The following FRAS1 variants were observed in gnomAD, a reference collection of about 807,000 sequenced individuals.
FRAS1 encodes the protein Fraser extracellular matrix complex subunit 1.
In FRAS1, 290 loss-of-function variants were observed where a neutral mutation model predicts 435.2. That is an observed-to-expected ratio of 0.67 (90% CI 0.61 to 0.73). FRAS1 has a LOEUF of 0.73. FRAS1 is among the 30% of genes least tolerant of loss of function. FRAS1 has a pLI of 0.00. For missense variants in FRAS1, 4,860 were observed against 5,001.5 expected (o/e 0.97, Z 0.85); for synonymous variants, 1,800 against 1,851.0 (o/e 0.97, Z 0.71).
At chr4:78,262,066 C>A (rs561836204) in intron 6 of FRAS1, among the ~76,000 whole-genome samples, 1 of 152,278 alleles carries the variant, frequency 6.6e-6, no homozygotes, top group East Asian at 1.9e-4. Context: ...AAGCATGCCA[C>A]CTAATCCAAG....
intron 32 of FRAS1, 103 bp downstream of exon 32, chr4:78,413,188 C>A: frequency 1.7e-6 from 1 of 602,630 alleles, no homozygotes; most frequent in South Asian, 2.8e-5. Flanking sequence ...AAGTGCCTGG[C>A]CCAGATCACA....
chr4:78,370,012 A>T, intron 23 of FRAS1, 28 bp downstream of exon 23: 1 of 1,603,284 alleles, frequency 6.2e-7, no homozygotes, highest in Non-Finnish European at 8.5e-7. Context: ...TTGTGTAAAG[A>T]TTCTTTTACA....
At chr4:78,184,178 C>T (rs934626142) in intron 2 of FRAS1, among the ~76,000 whole-genome samples, 3 of 152,128 alleles carry the variant, frequency 2.0e-5, no homozygotes, top group African/African-American at 7.2e-5. Flanking sequence ...AATTATACCC[C>T]AGATCAGTCA....
chr4:78,128,166 G>T (rs928566754), intron 2 of FRAS1, among the ~76,000 whole-genome samples: 1 of 151,934 alleles, frequency 6.6e-6, no homozygotes, highest in African/African-American at 2.4e-5. Context: ...TGGACATTTG[G>T]GTTGGTTCCA....
intron 23 of FRAS1, among the ~76,000 whole-genome samples, chr4:78,372,263 T>C (rs905924978): frequency 6.6e-6 from 1 of 152,176 alleles, no homozygotes; most frequent in African/African-American, 2.4e-5. Flanking sequence ...ATGCAGCTGG[T>C]GTTATTGGTG....
At chr4:78,522,843 C>G (rs746573159) in intron 69 of FRAS1, 35 bp downstream of exon 69, 3 of 1,526,372 alleles carry the variant, frequency 2.0e-6, no homozygotes, top group Non-Finnish European at 2.6e-6. Flanking sequence ...ATGGGTAGAG[C>G]TGAATGGTTT....
chr4:78,266,022 A>G (rs535244039), intron 7 of FRAS1, among the ~76,000 whole-genome samples: 1 of 152,204 alleles, frequency 6.6e-6, no homozygotes, highest in Non-Finnish European at 1.5e-5. Flanking sequence ...TGTTAGACTG[A>G]GTTTTTCTTT....
At chr4:78,177,497 CTTG>C (rs1210688449) in intron 2 of FRAS1, among the ~76,000 whole-genome samples, 5 of 152,156 alleles carry the variant, frequency 3.3e-5, no homozygotes, top group African/African-American at 7.2e-5. Flanking sequence ...TTAGCATTCT[CTTG>C]TTGTACCTGT....
At chr4:78,137,658 G>T (rs1055122694) in intron 2 of FRAS1, among the ~76,000 whole-genome samples, 2 of 152,216 alleles carry the variant, frequency 1.3e-5, no homozygotes, top group African/African-American at 4.8e-5. Context: ...GCATTGTTGG[G>T]TGTCTCTTCA....
At position 78,346,023 on chromosome 4, in the gene FRAS1, A is replaced by C. The variant is rs531092557; in HGVS notation, c.2422+8206A>C. On this transcript the variant is annotated intron_variant, in intron 20 of 73. Transcript: ENST00000512123. Reference sequence around the variant, plus strand: ...ATTGCTGTTTCTTCCTAACAACTATAGGTCAGGGCTTGAATTGCAGAGAAA... The same window carrying C: ...ATTGCTGTTTCTTCCTAACAACTATCGGTCAGGGCTTGAATTGCAGAGAAA... 4.6e-5 allele frequency among the ~76,000 whole-genome samples: 7 copies of C among 152,328 alleles called. 1 individual carries two copies. In the East Asian group the frequency reaches 1.4e-3, roughly 29 times the overall value.
chr4:78,470,159 C>A, intron 51 of FRAS1, 68 bp downstream of exon 51: 3 of 1,005,084 alleles, frequency 3.0e-6, no homozygotes, highest in South Asian at 1.5e-5. Flanking sequence ...ACGACAATGA[C>A]TTATGAATAG....
intron 2 of FRAS1, among the ~76,000 whole-genome samples, chr4:78,157,884 G>T (rs1159713148): frequency 1.3e-5 from 2 of 151,988 alleles, no homozygotes; most frequent in African/African-American, 4.8e-5. Flanking sequence ...TTATTATTCT[G>T]TATATGGATG....
At chr4:78,316,698 G>A (rs994243880) in intron 16 of FRAS1, among the ~76,000 whole-genome samples, 1 of 152,172 alleles carries the variant, frequency 6.6e-6, no homozygotes, top group African/African-American at 2.4e-5. Flanking sequence ...ATGTGTTCCT[G>A]ACATTGTCAT....
At chr4:78,258,097 T>G (rs968497010) in intron 6 of FRAS1, among the ~76,000 whole-genome samples, 1 of 152,150 alleles carries the variant, frequency 6.6e-6, no homozygotes, top group African/African-American at 2.4e-5. Flanking sequence ...TCCCAGCACT[T>G]TGGGAAGCCT....
intron 2 of FRAS1, among the ~76,000 whole-genome samples, chr4:78,172,728 A>G (rs960104744): frequency 9.9e-5 from 15 of 152,112 alleles, no homozygotes; most frequent in African/African-American, 3.4e-4. Context: ...AATAATACTA[A>G]GCTTATCTAA....
rs1203069200 is a variant in FRAS1, at chr4:78,108,421, A to C, written c.108+42405A>C. ...TATCTCTCAGACCACAGTGCAATCAAACTAGAACTCAGGATTAAGAATCTC... is the reference window on the plus strand; with the variant it reads ...TATCTCTCAGACCACAGTGCAATCACACTAGAACTCAGGATTAAGAATCTC... On this transcript the variant is annotated intron_variant, in intron 2 of 73. Coordinates refer to ENST00000512123, the MANE Select transcript of FRAS1 (RefSeq NM_025074.7). Among the ~76,000 whole-genome samples the C allele has an allele frequency of 4.5e-3, 248 of 55,602 alleles. 12 individuals carry two copies. Among genetic ancestry groups the C allele is most frequent in the African/African-American group, 0.022 (238 of 10,944 alleles). The allele number at this position is 55,602 out of a possible 152,430, so 36.5% of individuals were successfully genotyped here.
intron 72 of FRAS1, among the ~76,000 whole-genome samples, chr4:78,538,584 A>G (rs2867456): frequency 0.74 from 112,019 of 151,990 alleles, 41,772 homozygotes; most frequent in African/African-American, 0.85. Context: ...CAATCATAGC[A>G]GAAGGGGAAG....
intron 34 of FRAS1, among the ~76,000 whole-genome samples, chr4:78,423,778 T>C (rs1733893202): frequency 6.6e-6 from 1 of 152,134 alleles, no homozygotes; most frequent in African/African-American, 2.4e-5. Context: ...CCCATGAAAA[T>C]GTTTATGGGT....
intron 29 of FRAS1, among the ~76,000 whole-genome samples, chr4:78,389,096 C>A (rs1005783559): frequency 1.3e-5 from 2 of 152,174 alleles, no homozygotes; most frequent in Non-Finnish European, 2.9e-5. Flanking sequence ...AATGAGATGG[C>A]TCTCACACTT....
Sources: gnomAD v4.1 joint callset for allele counts (sites outside exome capture counted in the v4.1 genomes callset) on GRCh38, gnomAD v4.1.1 for gene constraint, MANE v1.5 for transcripts, NCBI Gene and HGNC (gene_info 2026-07-23, HGNC 2026-07-21) for gene names.